The following MAGI1 variants were observed in gnomAD, a reference collection of about 807,000 sequenced individuals.
MAGI1 encodes membrane-associated guanylate kinase, WW and PDZ domain-containing protein 1.
In MAGI1, 58 loss-of-function variants were observed where a neutral mutation model predicts 139.9. The observed-to-expected ratio is 0.41, with a 90% CI of 0.34 to 0.52. MAGI1 has a LOEUF of 0.52. Ranked by LOEUF, MAGI1 falls within the 20% of genes least tolerant of loss-of-function variation. The pLI is 0.12. For synonymous variants in MAGI1, 812 were observed against 737.9 expected, an observed-to-expected ratio of 1.10 and a Z score of -1.63; for missense variants, 1,874 against 1,901.6, an observed-to-expected ratio of 0.99 and a Z score of 0.27.
At chr3:65,710,656 C>T (rs1275555670) in intron 1 of MAGI1, among the ~76,000 whole-genome samples, 1 of 152,118 alleles carries the variant, frequency 6.6e-6, no homozygotes, top group African/African-American at 2.4e-5. Flanking sequence ...ATATACCCTA[C>T]GAGGTAGACA....
intron 18 of MAGI1, among the ~76,000 whole-genome samples, chr3:65,367,132 T>C (rs1941500278): frequency 1.3e-5 from 2 of 152,182 alleles, no homozygotes; most frequent in South Asian, 4.1e-4. Flanking sequence ...AATCACCAGG[T>C]TGTTCAGGCC....
chr3:65,777,596 T>C (rs2038556323), intron 1 of MAGI1, among the ~76,000 whole-genome samples: 1 of 145,594 alleles, frequency 6.9e-6, no homozygotes, highest in African/African-American at 2.5e-5. Flanking sequence ...CCATGATTGT[T>C]GTGCCACTGC....
chr3:65,716,660 C>T (rs1009664326), intron 1 of MAGI1, among the ~76,000 whole-genome samples: 1 of 152,192 alleles, frequency 6.6e-6, no homozygotes, highest in Non-Finnish European at 1.5e-5. Flanking sequence ...CTCTGCCTAA[C>T]AATTCTTGTG....
At chr3:65,905,906 G>A (rs1212264593) in intron 1 of MAGI1, among the ~76,000 whole-genome samples, 2 of 152,086 alleles carry the variant, frequency 1.3e-5, no homozygotes, top group Non-Finnish European at 2.9e-5. Flanking sequence ...AGATTTTTGT[G>A]GTGCTTTCCG....
rs182531530 is a variant in MAGI1 at position 65,472,941 on chromosome 3, G to A, written c.758-2457C>T. Among the ~76,000 whole-genome samples, 8 of 152,322 alleles carry A rather than the reference G, an allele frequency of 5.3e-5. No individual in the cohort carries two copies. The East Asian group carries it at 9.7e-4, about 18-fold the overall frequency. ...GTCATGATTACGGACACTGACCCTG[G>A]AGCCACACTATCCGAGTTTGAATCC... On this transcript the variant is annotated intron_variant, in intron 4 of 22. Coordinates refer to ENST00000402939, the MANE Select transcript of MAGI1 (RefSeq NM_001033057.2).
chr3:65,356,471 C>G lies in MAGI1; in HGVS notation c.4296G>C (p.Ala1432=), dbSNP rs1415813176. ...DRASHREREE[A]NLKQDAGRSS... ...TTCTGCCGGCATCCTGTTTCAGATT[C>G]GCCTCTTCCCTTTCTCGGTGGCTGG... The change falls in exon 23 of 23, where the codon GCG becomes GCC. Residue 1432 remains alanine (A), a synonymous_variant. Transcript: ENST00000402939. The G allele has an allele frequency of 3.7e-6, 6 of 1,611,936 alleles. No individual in the cohort carries two copies. Among genetic ancestry groups the G allele is most frequent in the African/African-American group, 1.3e-5 (1 of 74,946 alleles).
intron 1 of MAGI1, among the ~76,000 whole-genome samples, chr3:65,635,275 G>C (rs1200034769): frequency 2.0e-5 from 3 of 152,024 alleles, no homozygotes; most frequent in Non-Finnish European, 4.4e-5. Flanking sequence ...ATGTCAGCCA[G>C]GGAGGTCTCA....
intron 1 of MAGI1, among the ~76,000 whole-genome samples, chr3:65,792,997 T>C (rs1450564787): frequency 6.6e-6 from 1 of 151,994 alleles, no homozygotes; most frequent in Non-Finnish European, 1.5e-5. Flanking sequence ...ATAGGGCATT[T>C]GAGTTTGGAA....
At chr3:65,503,090 T>A (rs2077148135) in intron 2 of MAGI1, among the ~76,000 whole-genome samples, 1 of 152,178 alleles carries the variant, frequency 6.6e-6, no homozygotes, top group Non-Finnish European at 1.5e-5. Flanking sequence ...CTCCCAGGTG[T>A]GCTGTACCTC....
intron 1 of MAGI1, among the ~76,000 whole-genome samples, chr3:65,750,298 G>A (rs139230540): frequency 0.028 from 4,195 of 152,108 alleles, 93 homozygotes; most frequent in Non-Finnish European, 0.043. Context: ...TTGGGAAAAC[G>A]GGCTTTTTAA....
At chr3:65,890,009 T>A (rs2060680126) in intron 1 of MAGI1, among the ~76,000 whole-genome samples, 1 of 152,154 alleles carries the variant, frequency 6.6e-6, no homozygotes, top group Non-Finnish European at 1.5e-5. Context: ...GTCTACCTCA[T>A]GCTGTTCACA....
rs1940147400 is a variant in MAGI1, at chr3:65,355,209, T to C, written c.*1169A>G. 1.3e-5 allele frequency: 2 copies of C among 152,410 alleles called. No homozygotes were observed. The highest frequency in any genetic ancestry group is 3.9e-4 in the East Asian group (2 of 5,190). The allele number at this position is 152,410 out of a possible 1,614,324, so 9.4% of individuals were successfully genotyped here. The stretch of plus-strand genomic sequence containing the variant: ...CCAAAGGACTCAAAGGACAGAGTCA[T>C]GAGGCAGAAGTTTCCCAACCAGACC... On this transcript the variant is annotated 3_prime_UTR_variant, in exon 23 of 23. Transcript: ENST00000402939.
At chr3:65,790,186 G>A (rs750890439) in intron 1 of MAGI1, among the ~76,000 whole-genome samples, 3 of 152,040 alleles carry the variant, frequency 2.0e-5, no homozygotes, top group East Asian at 1.9e-4. Context: ...TAAACCCAAC[G>A]TTTAAAAGCC....
intron 1 of MAGI1, among the ~76,000 whole-genome samples, chr3:65,768,718 G>T (rs2037700447): frequency 1.3e-5 from 2 of 152,192 alleles, no homozygotes; most frequent in South Asian, 4.2e-4. Flanking sequence ...TTCCAGTTGT[G>T]GTAGAACACA....
intron 10 of MAGI1, among the ~76,000 whole-genome samples, chr3:65,431,962 C>T (rs1288964433): frequency 2.0e-5 from 3 of 152,082 alleles, no homozygotes; most frequent in Non-Finnish European, 4.4e-5. Flanking sequence ...CATTGCACTC[C>T]AGCCTGGGCA....
intron 1 of MAGI1, among the ~76,000 whole-genome samples, chr3:65,657,941 C>T (rs1396627592): frequency 6.6e-6 from 1 of 152,144 alleles, no homozygotes; most frequent in East Asian, 1.9e-4. Flanking sequence ...TTTAGAAGGT[C>T]ACTGTTAATT....
chr3:65,670,505 A>C (rs1441181913), intron 1 of MAGI1, among the ~76,000 whole-genome samples: 1 of 152,118 alleles, frequency 6.6e-6, no homozygotes, highest in Non-Finnish European at 1.5e-5. Context: ...CAACCCCAAA[A>C]TAATTATTTA....
chr3:65,933,288 G>A (rs142647339), intron 1 of MAGI1, among the ~76,000 whole-genome samples: 1 of 152,316 alleles, frequency 6.6e-6, no homozygotes, highest in African/African-American at 2.4e-5. Flanking sequence ...AGGATCTCAT[G>A]TGGTTGCAAT....
chr3:65,942,821 G>A (rs957839747), intron 1 of MAGI1, among the ~76,000 whole-genome samples: 1 of 152,166 alleles, frequency 6.6e-6, no homozygotes, highest in African/African-American at 2.4e-5. Flanking sequence ...GGGAGTTCGA[G>A]ACCAGCCTGG....
Sources: allele counts gnomAD v4.1 joint callset (sites outside exome capture counted in the v4.1 genomes callset), GRCh38; gene constraint gnomAD v4.1.1; transcripts MANE v1.5; gene names NCBI Gene and HGNC (gene_info 2026-07-23, HGNC 2026-07-21).